PDE1B: variants seen among roughly 807,000 people sequenced by gnomAD.
The protein encoded by PDE1B is phosphodiesterase 1B.
A neutral mutation model predicts 66.7 loss-of-function variants in PDE1B; 13 were observed. The observed-to-expected ratio is 0.19, with a 90% CI of 0.13 to 0.31. The LOEUF (loss-of-function observed/expected upper bound fraction) is 0.31. Among genes scored for constraint, PDE1B ranks in the 10% least tolerant of loss-of-function variants. PDE1B has a pLI of 1.00. For synonymous variants in PDE1B, 230 were observed against 253.9 expected, an observed-to-expected ratio of 0.91 and a Z score of 0.90; for missense variants, 485 against 682.3, an observed-to-expected ratio of 0.71 and a Z score of 3.22.
chr12:54,561,901 T>C (rs1957423573), intron 2 of PDE1B, among the ~76,000 whole-genome samples: 1 of 152,104 alleles, frequency 6.6e-6, no homozygotes, highest in African/African-American at 2.4e-5. Context: ...AGGTGACTTA[T>C]CATTGTTTCT....
Position 54,573,539 on chromosome 12 carries a change from T to G in PDE1B, c.962+59T>G, listed in dbSNP as rs1295588123. 2 of 1,613,058 alleles carry G rather than the reference T, an allele frequency of 1.2e-6. No homozygotes were observed. The highest frequency in any genetic ancestry group is 1.7e-6 in the Non-Finnish European group (2 of 1,179,102). On this transcript the variant is annotated intron_variant, in intron 9 of 15. Transcript: ENST00000243052. This position sits in a 1 kb window ranked among gnomAD's most constrained non-coding sequence, Gnocchi z 5.2. ...GACTCCCTTACCACAAACTCCATTTTCCACTTCCTGGACCTCCTGCCCAGC... is the reference window on the plus strand; with the variant it reads ...GACTCCCTTACCACAAACTCCATTTGCCACTTCCTGGACCTCCTGCCCAGC...
chr12:54,564,615 T>C (rs1300779412), intron 2 of PDE1B, among the ~76,000 whole-genome samples: 1 of 151,984 alleles, frequency 6.6e-6, no homozygotes, highest in Non-Finnish European at 1.5e-5. Context: ...AGTGAGATCC[T>C]GTCTCAAAGT....
intron 14 of PDE1B, chr12:54,576,980 T>C: frequency 6.6e-6 from 4 of 603,986 alleles, no homozygotes; most frequent in East Asian, 2.8e-5. Context: ...CCCTGTAGAT[T>C]TGGCTAATTT....
intron 2 of PDE1B, among the ~76,000 whole-genome samples, chr12:54,556,947 G>A (rs1259611067): frequency 6.6e-6 from 1 of 152,056 alleles, no homozygotes; most frequent in Non-Finnish European, 1.5e-5. Flanking sequence ...CAGGACCTGG[G>A]GAAAGTTTTT....
At position 54,573,457 on chromosome 12, in the gene PDE1B, C is replaced by T. The variant is rs150688398; in HGVS notation, c.939C>T (p.Ile313=). ...LMQDDEMNIF[I]NLTKDEFVEL... The stretch of plus-strand genomic sequence containing the variant: ...AGGATGATGAGATGAACATTTTCAT[C>T]AACCTCACCAAGGATGAGTTTGTGT... Residue 313 remains isoleucine, a synonymous_variant, in exon 9 of 16, where the codon ATC becomes ATT. Transcript: ENST00000243052. This position sits in a 1 kb window ranked among gnomAD's most constrained non-coding sequence, Gnocchi z 5.2. 599 of 1,614,194 alleles carry T rather than the reference C, an allele frequency of 3.7e-4. 9 individuals carry two copies. Among genetic ancestry groups the T allele is most frequent in the South Asian group, 3.3e-3 (300 of 91,082 alleles).
chr12:54,558,211 TCTC>T (rs1322496883), intron 2 of PDE1B, among the ~76,000 whole-genome samples: 4 of 151,970 alleles, frequency 2.6e-5, no homozygotes, highest in Non-Finnish European at 5.9e-5. Context: ...ACCTTTCAAA[TCTC>T]CTTTCCTTTC....
At chr12:54,552,363 A>G (rs1225098742) in intron 2 of PDE1B, among the ~76,000 whole-genome samples, 3 of 152,228 alleles carry the variant, frequency 2.0e-5, no homozygotes, top group Non-Finnish European at 2.9e-5. Flanking sequence ...GGAAATAGAC[A>G]TGATTATCTT....
chr12:54,550,384 G>T (rs1957259568), intron 2 of PDE1B, among the ~76,000 whole-genome samples: 2 of 152,250 alleles, frequency 1.3e-5, no homozygotes, highest in South Asian at 4.1e-4. Context: ...GCATGAGTGA[G>T]CGTGGGTCAC....
intron 2 of PDE1B, among the ~76,000 whole-genome samples, chr12:54,552,012 A>G (rs1384818549): frequency 6.6e-6 from 1 of 152,244 alleles, no homozygotes; most frequent in Admixed American, 6.5e-5. Context: ...TAACTTACCC[A>G]AAAAAGTACA....
chr12:54,565,859 G>C (rs1364796728), intron 2 of PDE1B, among the ~76,000 whole-genome samples: 1 of 152,098 alleles, frequency 6.6e-6, no homozygotes, highest in Non-Finnish European at 1.5e-5. Context: ...GCATCCCTGG[G>C]AATTGATGCT....
rs1038708284 is a variant in PDE1B, at chr12:54,569,725, G to A, written c.477+113G>A. 8.5e-6 allele frequency: 6 copies of A among 703,122 alleles called. No homozygotes were observed. In the African/African-American group the frequency reaches 1.1e-4, roughly 13 times the overall value. The allele number at this position is 703,122 out of a possible 1,614,324, so 43.6% of individuals were successfully genotyped here. On this transcript the variant is annotated intron_variant, in intron 5 of 15. Transcript: ENST00000243052. The surrounding 1 kb of genome is among the most constrained non-coding windows in gnomAD (Gnocchi z 4.4). The stretch of plus-strand genomic sequence containing the variant: ...TGCCTTCCTTTTTTTTTTTTGAAAT[G>A]GAGTCTCGCTCTTGTCACTCAGGCT...
Position 54,549,775 on chromosome 12 carries a change from G to A in PDE1B, c.-14+3G>A. ...TGGCTGGTCCACGCCAGCCGCAGGT[G>A]GGAAGGGCCTGGGATGGGGGGTGAG... On this transcript the variant is annotated splice_donor_region_variant and intron_variant, in intron 1 of 15. Coordinates refer to ENST00000243052, the MANE Select transcript of PDE1B (RefSeq NM_000924.4). 2 of 927,432 alleles carry A rather than the reference G, an allele frequency of 2.2e-6. No homozygotes were observed. The highest frequency in any genetic ancestry group is 2.5e-5 in the East Asian group (1 of 40,606). The allele number at this position is 927,432 out of a possible 1,614,324, so 57.5% of individuals were successfully genotyped here. A position where few individuals can be genotyped will look rare whatever the true frequency, so the allele number is the denominator to read the frequency against.
At position 54,569,530 on chromosome 12, in the gene PDE1B, C is replaced by T. The variant is rs762558388; in HGVS notation, c.411-16C>T. ...AGACCTTCATATGTGGGCTTCTTCT[C>T]ATTGTTCTCTCTCAGGATGTTCCGG... On this transcript the variant is annotated splice_polypyrimidine_tract_variant and intron_variant, in intron 4 of 15. Coordinates refer to ENST00000243052, the MANE Select transcript of PDE1B (RefSeq NM_000924.4). The surrounding 1 kb of genome is among the most constrained non-coding windows in gnomAD (Gnocchi z 4.4). 1 of 1,611,150 alleles carries T rather than the reference C, an allele frequency of 6.2e-7. No individual in the cohort carries two copies. Among genetic ancestry groups the T allele is most frequent in the Non-Finnish European group, 8.5e-7 (1 of 1,177,358 alleles).
chr12:54,561,856 C>A (rs890092711), intron 2 of PDE1B, among the ~76,000 whole-genome samples: 4 of 152,144 alleles, frequency 2.6e-5, no homozygotes, highest in South Asian at 4.1e-4. Flanking sequence ...CATCCCCCCC[C>A]ACCTTTGTAA....
chr12:54,567,067 C>A lies in PDE1B; in HGVS notation c.207C>A (p.Ala69=). 1 of 1,588,972 alleles carries A rather than the reference C, an allele frequency of 6.3e-7. No individual in the cohort carries two copies. Among genetic ancestry groups the A allele is most frequent in the Non-Finnish European group, 8.6e-7 (1 of 1,159,080 alleles). Reference sequence around the variant, plus strand: ...AGTACACAGCTTCTCTGCTGGAAGCCGTCTACATAGATGAGACACGGTGAG... The same window carrying A: ...AGTACACAGCTTCTCTGCTGGAAGCAGTCTACATAGATGAGACACGGTGAG... ...NLEYTASLLE[A]VYIDETRQIL... is the part of the protein sequence containing the mutation. The change falls in exon 3 of 16, where the codon GCC becomes GCA. Residue 69 remains alanine, a synonymous_variant. Coordinates refer to ENST00000243052, the MANE Select transcript of PDE1B (RefSeq NM_000924.4).
Position 54,573,047 on chromosome 12 carries a change from A to G in PDE1B, c.736-101A>G. ...ATTAACCAAGAGCTGGCCTGGAAGC[A>G]TGGAAGGGATGGGATGAGTGATCTA... On this transcript the variant is annotated intron_variant, in intron 7 of 15. Transcript: ENST00000243052. The surrounding 1 kb of genome is among the most constrained non-coding windows in gnomAD (Gnocchi z 5.2). The G allele has an allele frequency of 1.1e-6, 1 of 892,436 alleles. No homozygotes were observed. Among genetic ancestry groups the G allele is most frequent in the Non-Finnish European group, 1.8e-6 (1 of 543,508 alleles). The allele number at this position is 892,436 out of a possible 1,614,324, so 55.3% of individuals were successfully genotyped here. A position where few individuals can be genotyped will look rare whatever the true frequency, so the allele number is the denominator to read the frequency against.
At chr12:54,574,388 T>C (rs1055142367) in intron 10 of PDE1B, 8 of 152,948 alleles carry the variant, frequency 5.2e-5, no homozygotes, top group African/African-American at 1.9e-4. Context: ...TATTATGTGC[T>C]AGACACTCTC....
intron 13 of PDE1B, 148 bp downstream of exon 13, chr12:54,576,248 G>A: frequency 1.5e-6 from 1 of 655,196 alleles, no homozygotes; most frequent in Non-Finnish European, 2.8e-6. Context: ...CTGCCGTCAG[G>A]GACAGAAGGA....
In PDE1B at chr12:54,573,870, A is replaced by AGAGAGT. The variant is rs774810310; in HGVS notation, c.1064+162_1064+163insAGAGTG. On this transcript the variant is annotated intron_variant, in intron 10 of 15. Transcript: ENST00000243052. The surrounding 1 kb of genome is among the most constrained non-coding windows in gnomAD (Gnocchi z 5.2). ...GCATCTCTATGTGAGAGAGAGAGAG[A>AGAGAGT]GTGTGTGTGTGTGTGTGTGTGTGTG... 795 of 501,948 alleles carry AGAGAGT rather than the reference A, an allele frequency of 1.6e-3. 3 individuals carry two copies. Among genetic ancestry groups the AGAGAGT allele is most frequent in the African/African-American group, 0.01 (456 of 44,928 alleles). The allele number at this position is 501,948 out of a possible 1,614,324, so 31.1% of individuals were successfully genotyped here.
Sources: gnomAD v4.1 joint callset for allele counts (sites outside exome capture counted in the v4.1 genomes callset) on GRCh38, gnomAD v4.1.1 for gene constraint, Gnocchi (gnomAD v3.1) non-coding constraint, MANE v1.5 for transcripts, NCBI Gene and HGNC (gene_info 2026-07-23, HGNC 2026-07-21) for gene names.